Variants in RTTN observed in about 807,000 individuals in gnomAD.
The protein encoded by RTTN is rotatin.
In RTTN, 182 loss-of-function variants were observed where a neutral mutation model predicts 269.2. That is an observed-to-expected ratio of 0.68 (90% CI 0.60 to 0.76). The LOEUF is 0.76. Among genes scored for constraint, RTTN ranks in the 30% least tolerant of loss-of-function variants. The pLI, the probability that RTTN is intolerant of heterozygous loss-of-function variation, is 0.00. For synonymous variants in RTTN, 1,006 were observed against 963.5 expected (o/e 1.04, Z -0.82); for missense variants, 2,545 against 2,608.6 (o/e 0.98, Z 0.53).
chr18:70,161,098 T>C (rs1388749777), intron 14 of RTTN, among the ~76,000 whole-genome samples: 2 of 152,132 alleles, frequency 1.3e-5, no homozygotes, highest in Non-Finnish European at 2.9e-5. Flanking sequence ...CTTCAAACTA[T>C]ACTATGGGGC....
chr18:70,093,908 C>G (rs770003582), intron 28 of RTTN, among the ~76,000 whole-genome samples: 1 of 152,156 alleles, frequency 6.6e-6, no homozygotes, highest in Non-Finnish European at 1.5e-5. Context: ...TAGTAGAATT[C>G]GGCTATGAAT....
chr18:70,017,375 A>G lies in RTTN; in HGVS notation c.6421+32T>C, dbSNP rs202055011. The G allele has an allele frequency of 2.2e-3, 3,439 of 1,589,080 alleles. 8 individuals carry two copies. Among genetic ancestry groups the G allele is most frequent in the Non-Finnish European group, 2.7e-3 (3,191 of 1,162,794 alleles). On this transcript the variant is annotated intron_variant, in intron 46 of 48. Transcript: ENST00000640769. ...ACCTGAACAGTCTATGAATAACTAC[A>G]TATATAAATGTATGTGTGTGTGAAA...
At chr18:70,131,021 G>C (rs2059984628) in intron 23 of RTTN, 1 of 151,774 alleles carries the variant, frequency 6.6e-6, no homozygotes, top group Admixed American at 6.6e-5. Flanking sequence ...GGGGAACACA[G>C]TTCCTTCAAA....
At chr18:70,185,402 T>C (rs1199115994) in intron 10 of RTTN, among the ~76,000 whole-genome samples, 2 of 152,174 alleles carry the variant, frequency 1.3e-5, no homozygotes, top group African/African-American at 4.8e-5. Context: ...ATCATCTCAA[T>C]AGAGACAAAA....
At chr18:70,127,909 G>T in intron 24 of RTTN, 168 bp from the exon 25 acceptor site, 1 of 623,938 alleles carries the variant, frequency 1.6e-6, no homozygotes, top group Non-Finnish European at 2.7e-6. Context: ...TCAATATTAG[G>T]ATTTTACATT....
At chr18:70,109,358 T>C (rs896295974) in intron 28 of RTTN, 140 bp downstream of exon 28, 2 of 588,146 alleles carry the variant, frequency 3.4e-6, no homozygotes, top group African/African-American at 3.7e-5. Context: ...TAAAAATCAC[T>C]AAAACATTTC....
At chr18:70,169,209 G>T (rs2061071727) in intron 11 of RTTN, 142 bp from the exon 12 acceptor site, 1 of 571,566 alleles carries the variant, frequency 1.7e-6, no homozygotes, top group Non-Finnish European at 2.9e-6. Context: ...TTTTTCCAAA[G>T]AAAATCCCAT....
intron 43 of RTTN, among the ~76,000 whole-genome samples, chr18:70,028,520 G>C (rs73970821): frequency 6.6e-6 from 1 of 152,054 alleles, no homozygotes. Context: ...TGAAGTTTGC[G>C]AAGAAATGTA....
Position 70,091,210 on chromosome 18 carries a change from A to T in RTTN, c.4143+900T>A, listed in dbSNP as rs115975851. Among the ~76,000 whole-genome samples the T allele has an allele frequency of 2.9e-3, 440 of 152,262 alleles. 1 individual carries two copies. Among genetic ancestry groups the T allele is most frequent in the African/African-American group, 9.8e-3 (407 of 41,558 alleles). On this transcript the variant is annotated intron_variant, in intron 30 of 48. Transcript: ENST00000640769. The stretch of plus-strand genomic sequence containing the variant: ...AGACTTTTGAGGTTGTTGAGGGAGA[A>T]TAAAAGCATTTTGCATGGAAGAAGA...
intron 11 of RTTN, among the ~76,000 whole-genome samples, chr18:70,169,417 T>G (rs1255732887): frequency 6.6e-6 from 1 of 152,150 alleles, no homozygotes; most frequent in Non-Finnish European, 1.5e-5. Flanking sequence ...TCTCTAAGTA[T>G]TTTCTGTACA....
intron 32 of RTTN, among the ~76,000 whole-genome samples, chr18:70,085,818 C>T (rs2058686443): frequency 6.6e-6 from 1 of 152,060 alleles, no homozygotes; most frequent in South Asian, 2.1e-4. Context: ...CACTGAGACT[C>T]CCAAGGAGGG....
At chr18:70,105,959 A>C (rs1033869971) in intron 28 of RTTN, among the ~76,000 whole-genome samples, 6 of 152,202 alleles carry the variant, frequency 3.9e-5, no homozygotes, top group African/African-American at 1.4e-4. Context: ...ACTATGTAAA[A>C]ACCATGGTGC....
intron 40 of RTTN, chr18:70,031,212 C>A: frequency 3.8e-6 from 2 of 529,352 alleles, no homozygotes; most frequent in African/African-American, 1.9e-5. Context: ...GACTCATCAT[C>A]TACAGAAAAA....
chr18:70,117,387 T>C lies in RTTN; in HGVS notation c.3529-2788A>G, dbSNP rs8097853. 7.2e-3 allele frequency among the ~76,000 whole-genome samples: 1,097 copies of C among 152,214 alleles called. 9 individuals are homozygous for C. Among genetic ancestry groups the C allele is most frequent in the African/African-American group, 0.024 (1,007 of 41,578 alleles). ...CCTTTATCCTAAACATTGGTAGTTA[T>C]ATAACATATATTAATTTATCTTGTA... On this transcript the variant is annotated intron_variant, in intron 26 of 48. Transcript: ENST00000640769.
Position 70,168,873 on chromosome 18 carries a change from C to T in RTTN, c.1671G>A (p.Leu557=). The change falls in exon 12 of 49, where the codon CTG becomes CTA. Residue 557 remains leucine (L), a synonymous_variant. Coordinates refer to ENST00000640769, the MANE Select transcript of RTTN (RefSeq NM_173630.4). ...TTTTTACCTCTTTCCCAATATCAGA[C>T]AGGAAGTTACAGGTGCATTCAATTG... ...VYSIECTCNF[L]SDIGKEGEKN... 1 of 1,608,800 alleles carries T rather than the reference C, an allele frequency of 6.2e-7. No individual in the cohort carries two copies. The highest frequency in any genetic ancestry group is 1.3e-5 in the African/African-American group (1 of 74,832).
intron 19 of RTTN, 28 bp from the exon 20 acceptor site, chr18:70,140,216 TA>T: frequency 7.6e-7 from 1 of 1,320,340 alleles, no homozygotes. Flanking sequence ...TACTAAAAGT[TA>T]AAGCACATTT....
chr18:70,051,260 T>C (rs981083830), intron 39 of RTTN, 151 bp downstream of exon 39: 2 of 868,500 alleles, frequency 2.3e-6, no homozygotes, highest in Admixed American at 6.4e-5. Context: ...TCAAGAACAC[T>C]GCAAATTTTT....
chr18:70,120,468 A>C (rs1409373583), intron 26 of RTTN, among the ~76,000 whole-genome samples: 5 of 152,150 alleles, frequency 3.3e-5, no homozygotes, highest in African/African-American at 1.2e-4. Context: ...TTTTACATAA[A>C]ATTATCTCTA....
chr18:70,138,911 T>G (rs1185190350), intron 21 of RTTN: 1 of 151,894 alleles, frequency 6.6e-6, no homozygotes, highest in Non-Finnish European at 1.5e-5. Flanking sequence ...TTCAGATGAT[T>G]CTACATGACT....
Sources: allele counts gnomAD v4.1 joint callset (sites outside exome capture counted in the v4.1 genomes callset), GRCh38; gene constraint gnomAD v4.1.1; transcripts MANE v1.5; gene names NCBI Gene and HGNC (gene_info 2026-07-23, HGNC 2026-07-21).